The following MYO9A variants were observed in gnomAD, a reference collection of about 807,000 sequenced individuals.
MYO9A encodes myosin IXA.
A neutral mutation model predicts 293.3 loss-of-function variants in MYO9A; 103 were observed. The ratio of observed to expected loss-of-function variants is 0.35; its 90% CI spans 0.30 to 0.41. The LOEUF is 0.41. Among genes scored for constraint, MYO9A ranks in the 10% least tolerant of loss-of-function variants. MYO9A has a pLI of 1.00. For synonymous variants in MYO9A, 1,001 were observed against 1,035.7 expected, an observed-to-expected ratio of 0.97 and a Z score of 0.64; for missense variants, 2,685 against 3,033.0, an observed-to-expected ratio of 0.89 and a Z score of 2.69.
At chr15:72,065,858 T>C (rs2079007017) in intron 1 of MYO9A, among the ~76,000 whole-genome samples, 1 of 152,222 alleles carries the variant, frequency 6.6e-6, no homozygotes, top group Non-Finnish European at 1.5e-5. Context: ...TCAACATCTG[T>C]AGTAGCTCAT....
At chr15:71,870,539 AAG>A (rs1312132893) in intron 32 of MYO9A, among the ~76,000 whole-genome samples, 1 of 152,210 alleles carries the variant, frequency 6.6e-6, no homozygotes, top group East Asian at 1.9e-4. Context: ...AATGAATAAA[AAG>A]AGAGACTAAA....
At chr15:72,088,190 CT>C (rs2079802762) in intron 1 of MYO9A, among the ~76,000 whole-genome samples, 3 of 152,184 alleles carry the variant, frequency 2.0e-5, no homozygotes, top group African/African-American at 7.2e-5. Context: ...GCCACTCAAT[CT>C]GTGGTATTTT....
chr15:72,090,104 C>A (rs1014310529), intron 1 of MYO9A, among the ~76,000 whole-genome samples: 14 of 152,272 alleles, frequency 9.2e-5, no homozygotes, highest in African/African-American at 3.4e-4. Context: ...AGATAGGTAG[C>A]AAGTCATAAA....
At chr15:71,835,589 G>A (rs773263439) in intron 39 of MYO9A, among the ~76,000 whole-genome samples, 4 of 151,970 alleles carry the variant, frequency 2.6e-5, no homozygotes, top group African/African-American at 4.8e-5. Context: ...AAATCTCAAC[G>A]TACAAAACTA....
At chr15:72,065,827 T>C (rs1201198504) in intron 1 of MYO9A, among the ~76,000 whole-genome samples, 1 of 152,162 alleles carries the variant, frequency 6.6e-6, no homozygotes, top group African/African-American at 2.4e-5. Flanking sequence ...AAAAGGCCAA[T>C]ATGGATATAA....
chr15:71,898,502 A>G lies in MYO9A; in HGVS notation c.4001T>C (p.Leu1334Pro), dbSNP rs752646648. 1 of 1,614,074 alleles carries G rather than the reference A, an allele frequency of 6.2e-7. No homozygotes were observed. The highest frequency in any genetic ancestry group is 8.5e-7 in the Non-Finnish European group (1 of 1,180,028). ...SESSQGSLEL[L>P]SYEESQKSKL... ...GCTCTTTTGGCTTTCCTCATAGCTCAGAAGTTCCAAGCTTCCTTGAGAGCT... is the reference window on the plus strand; with the variant it reads ...GCTCTTTTGGCTTTCCTCATAGCTCGGAAGTTCCAAGCTTCCTTGAGAGCT... The change falls in exon 25 of 42, where the codon CTG becomes CCG. Residue 1334 changes from leucine (L) to proline (P), a missense_variant. By Grantham distance (98) the Leu-to-Pro change is moderately conservative. Transcript: ENST00000356056.
intron 6 of MYO9A, 67 bp from the exon 7 acceptor site, chr15:72,010,514 A>G: frequency 1.5e-6 from 2 of 1,376,598 alleles, no homozygotes; most frequent in African/African-American, 2.9e-5. Flanking sequence ...GGCCATTCAG[A>G]AATATGGTAA....
intron 11 of MYO9A, among the ~76,000 whole-genome samples, chr15:71,983,565 G>A (rs1251449675): frequency 2.9e-5 from 4 of 139,946 alleles, no homozygotes; most frequent in Admixed American, 7.8e-5. Context: ...GAACTTCCGC[G>A]AACCCTTCCC....
intron 12 of MYO9A, chr15:71,972,272 A>T (rs1596306054): frequency 6.6e-6 from 1 of 151,826 alleles, no homozygotes; most frequent in South Asian, 2.1e-4. Flanking sequence ...GGACATGGAG[A>T]CTCTCTACTC....
At chr15:71,911,013 C>T (rs1015767372) in intron 19 of MYO9A, among the ~76,000 whole-genome samples, 2 of 152,108 alleles carry the variant, frequency 1.3e-5, no homozygotes, top group Non-Finnish European at 2.9e-5. Context: ...GCCACTATCA[C>T]TACAGTCCAG....
chr15:72,046,667 TA>T, intron 1 of MYO9A, 33 bp from the exon 2 acceptor site: 1 of 1,344,198 alleles, frequency 7.4e-7, no homozygotes, highest in East Asian at 2.3e-5. Flanking sequence ...TATTTAGAAG[TA>T]AATACACATT....
intron 1 of MYO9A, among the ~76,000 whole-genome samples, chr15:72,074,510 C>G (rs989286612): frequency 2.0e-5 from 3 of 152,176 alleles, no homozygotes; most frequent in African/African-American, 7.2e-5. Flanking sequence ...ACTCTGAGAT[C>G]ATGGTGAACA....
At chr15:72,065,514 T>G (rs886972017) in intron 1 of MYO9A, among the ~76,000 whole-genome samples, 18 of 117,370 alleles carry the variant, frequency 1.5e-4, no homozygotes, top group Non-Finnish European at 2.2e-4. Context: ...AAACTCCGTC[T>G]CAAAAAAAAA....
At chr15:71,942,446 A>C (rs2058802645) in intron 15 of MYO9A, among the ~76,000 whole-genome samples, 1 of 152,044 alleles carries the variant, frequency 6.6e-6, no homozygotes, top group African/African-American at 2.4e-5. Context: ...AATGTTTTTT[A>C]AACTGTTCAG....
intron 18 of MYO9A, among the ~76,000 whole-genome samples, chr15:71,925,502 G>A (rs1465334056): frequency 6.6e-6 from 1 of 151,372 alleles, no homozygotes; most frequent in Non-Finnish European, 1.5e-5. Context: ...CTGTTTTGGT[G>A]GTTTTCTGGA....
chr15:71,903,697 G>A (rs1329091403), intron 21 of MYO9A, among the ~76,000 whole-genome samples: 3 of 152,166 alleles, frequency 2.0e-5, no homozygotes, highest in Non-Finnish European at 2.9e-5. Flanking sequence ...CAAACATTCC[G>A]AGCAAATGAG....
chr15:71,945,402 G>A (rs529810551), intron 15 of MYO9A, among the ~76,000 whole-genome samples: 27 of 152,190 alleles, frequency 1.8e-4, no homozygotes, highest in Admixed American at 1.2e-3. Context: ...TACAGAAATC[G>A]TAAAAGTGAC....
chr15:71,982,668 C>G (rs909100771), intron 11 of MYO9A, among the ~76,000 whole-genome samples: 2 of 152,220 alleles, frequency 1.3e-5, no homozygotes, highest in Non-Finnish European at 2.9e-5. Context: ...AGGCACTAAT[C>G]TCATCTTCTA....
At position 71,951,838 on chromosome 15, in the gene MYO9A, G is replaced by C; in HGVS notation, c.2241C>G (p.Leu747=). 1.9e-6 allele frequency: 3 copies of C among 1,613,154 alleles called. No homozygotes were observed. Among genetic ancestry groups the C allele is most frequent in the East Asian group, 2.2e-5 (1 of 44,822 alleles). The change falls in exon 15 of 42, where the codon CTC becomes CTG. Residue 747 remains leucine, a synonymous_variant. Coordinates refer to ENST00000356056, the MANE Select transcript of MYO9A (RefSeq NM_006901.4). ...ILKSMDSFSF[L]QHPVHQRSLE... ...AGCTCCTCTGGTGGACTGGGTGTTGGAGAAAGCTAAAACTATCCATACTTT... is the reference window on the plus strand; with the variant it reads ...AGCTCCTCTGGTGGACTGGGTGTTGCAGAAAGCTAAAACTATCCATACTTT...
Sources: gnomAD v4.1 joint callset for allele counts (sites outside exome capture counted in the v4.1 genomes callset) on GRCh38, gnomAD v4.1.1 for gene constraint, MANE v1.5 for transcripts, NCBI Gene and HGNC (gene_info 2026-07-23, HGNC 2026-07-21) for gene names.